Variants in SIL1 observed in about 807,000 individuals in gnomAD.
SIL1 encodes the protein SIL1 nucleotide exchange factor.
SIL1 carries 40 observed loss-of-function variants against 49.1 expected under a neutral mutation model. The ratio of observed to expected loss-of-function variants is 0.81; its 90% CI spans 0.63 to 1.06. SIL1 has a LOEUF of 1.06. SIL1 is among the 50% of genes least tolerant of loss of function. The pLI is 0.00. For synonymous variants in SIL1, 253 were observed against 250.8 expected (o/e 1.01, Z -0.08); for missense variants, 500 against 572.6 (o/e 0.87, Z 1.29).
intron 7 of SIL1, among the ~76,000 whole-genome samples, chr5:139,010,367 A>G (rs983449165): frequency 6.7e-6 from 1 of 148,966 alleles, no homozygotes; most frequent in African/African-American, 2.5e-5. Flanking sequence ...CATTCTTCTA[A>G]TTTTTTTTCA....
intron 7 of SIL1, among the ~76,000 whole-genome samples, chr5:138,963,807 T>C (rs1767077616): frequency 6.6e-6 from 1 of 152,238 alleles, no homozygotes; most frequent in Non-Finnish European, 1.5e-5. Flanking sequence ...CGGATCAACA[T>C]GGCCTCCTCA....
chr5:138,991,817 C>G (rs542631941), intron 7 of SIL1, among the ~76,000 whole-genome samples: 1 of 152,212 alleles, frequency 6.6e-6, no homozygotes, highest in African/African-American at 2.4e-5. Flanking sequence ...GAGAAGGTTC[C>G]CCATCTATGT....
Position 138,976,441 on chromosome 5 carries a change from T to C in SIL1, c.768-24557A>G, listed in dbSNP as rs183495930. 2.6e-4 allele frequency among the ~76,000 whole-genome samples: 39 copies of C among 151,846 alleles called. No homozygotes were observed. In the East Asian group the frequency reaches 7.6e-3, roughly 29 times the overall value. ...GATTCTCCTGCTTCAGCCTCCCAAGTAGCTGGGATTACAGGCACGCGCCAC... is the reference window on the plus strand; with the variant it reads ...GATTCTCCTGCTTCAGCCTCCCAAGCAGCTGGGATTACAGGCACGCGCCAC... On this transcript the variant is annotated intron_variant, in intron 7 of 9. Transcript: ENST00000394817.
intron 3 of SIL1, among the ~76,000 whole-genome samples, chr5:139,053,806 A>ATT (rs1188151442): frequency 2.6e-5 from 4 of 152,094 alleles, no homozygotes; most frequent in Non-Finnish European, 5.9e-5. Context: ...GGCATCCTCT[A>ATT]TTTTCTCAGA....
At chr5:139,167,081 A>T (rs202154282) in intron 1 of SIL1, among the ~76,000 whole-genome samples, 1 of 152,028 alleles carries the variant, frequency 6.6e-6, no homozygotes, top group Admixed American at 6.6e-5. Flanking sequence ...CAAAGTGCTG[A>T]GATTACAGGC....
rs559915904 is a variant in SIL1, at chr5:139,171,176, G to A, written c.-11+27093C>T. Among the ~76,000 whole-genome samples, 226 of 152,210 alleles carry A rather than the reference G, an allele frequency of 1.5e-3. 1 individual carries two copies. The highest frequency in any genetic ancestry group is 1.9e-3 in the East Asian group (10 of 5,156). On this transcript the variant is annotated intron_variant, in intron 1 of 9. Transcript: ENST00000394817. The stretch of plus-strand genomic sequence containing the variant: ...TGGGATGTGAGGAGCCCCTCTGCCC[G>A]GCCACCACCCCATCTGGGAGGTGTA...
chr5:139,125,050 A>AT (rs1750726476), intron 2 of SIL1, among the ~76,000 whole-genome samples: 1 of 152,234 alleles, frequency 6.6e-6, no homozygotes, highest in South Asian at 2.1e-4. Flanking sequence ...CTACCAGCAC[A>AT]TGCCCTTCCT....
chr5:139,055,605 TCCCTCTCC>T lies in SIL1; in HGVS notation c.245-4567_245-4560del, dbSNP rs1414907653. 6.9e-4 allele frequency among the ~76,000 whole-genome samples: 66 copies of T among 96,264 alleles called. 3 individuals carry two copies. Among genetic ancestry groups the T allele is most frequent in the African/African-American group, 3.5e-3 (66 of 18,610 alleles). The allele number at this position is 96,264 out of a possible 152,430, so 63.2% of individuals were successfully genotyped here. ...ACATCACTGACTCTCCCTCTCCCTC[TCCCTCTCC>T]CTCTCCCCCTCTCCCCCTCTCCCCC... is the stretch of plus-strand genomic sequence containing the variant. On this transcript the variant is annotated intron_variant, in intron 3 of 9. Coordinates refer to ENST00000394817, the MANE Select transcript of SIL1 (RefSeq NM_022464.5).
At chr5:139,129,705 CCTTAT>C (rs1447244602) in intron 1 of SIL1, among the ~76,000 whole-genome samples, 3 of 152,232 alleles carry the variant, frequency 2.0e-5, no homozygotes, top group African/African-American at 4.8e-5. Context: ...TGGACCCTTA[CCTTAT>C]ATCATTTATA....
rs2150435130 is a variant in SIL1, at chr5:139,029,114, T to C, written c.454-2122A>G. On this transcript the variant is annotated intron_variant, in intron 5 of 9. Coordinates refer to ENST00000394817, the MANE Select transcript of SIL1 (RefSeq NM_022464.5). Reference sequence around the variant, plus strand: ...AATATAGTGAGACTCTCTGTATTTATATTTTTTAAATTCTATTTTTTTAAA... The same window carrying C: ...AATATAGTGAGACTCTCTGTATTTACATTTTTTAAATTCTATTTTTTTAAA... Among the ~76,000 whole-genome samples, 3 of 152,368 alleles carry C rather than the reference T, an allele frequency of 2.0e-5. No homozygotes were observed. In the Middle Eastern group the frequency reaches 0.01, roughly 518 times the overall value.
intron 7 of SIL1, among the ~76,000 whole-genome samples, chr5:138,955,745 T>C (rs1766888303): frequency 6.6e-6 from 1 of 152,186 alleles, no homozygotes; most frequent in African/African-American, 2.4e-5. Context: ...TTATCAGAAA[T>C]TTCAAGACAG....
intron 7 of SIL1, among the ~76,000 whole-genome samples, chr5:139,015,936 G>T (rs867198669): frequency 6.6e-6 from 1 of 152,092 alleles, no homozygotes; most frequent in African/African-American, 2.4e-5. Flanking sequence ...GATGAAAAAG[G>T]GGGAGGCCAG....
intron 8 of SIL1, among the ~76,000 whole-genome samples, chr5:138,951,563 C>G (rs1265699633): frequency 6.6e-6 from 1 of 152,252 alleles, no homozygotes; most frequent in African/African-American, 2.4e-5. Flanking sequence ...GGGTGGGAGG[C>G]CAGGAGTAGG....
At chr5:139,059,272 T>C (rs948388497) in intron 3 of SIL1, among the ~76,000 whole-genome samples, 22 of 152,166 alleles carry the variant, frequency 1.4e-4, no homozygotes, top group Admixed American at 6.6e-5. Flanking sequence ...CCTCAGGAGA[T>C]CTGATGGTTT....
At chr5:139,096,826 G>A (rs1276706160) in intron 3 of SIL1, among the ~76,000 whole-genome samples, 1 of 151,862 alleles carries the variant, frequency 6.6e-6, no homozygotes, top group Non-Finnish European at 1.5e-5. Flanking sequence ...CATGCTGAGG[G>A]CCTTGGGTAA....
Position 138,951,171 on chromosome 5 carries a change from C to T in SIL1, c.1029G>A (p.Lys343=), listed in dbSNP as rs747089010. 2.5e-6 allele frequency: 4 copies of T among 1,611,068 alleles called. No individual in the cohort carries two copies. The highest frequency in any genetic ancestry group is 3.4e-6 in the Non-Finnish European group (4 of 1,178,690). The change falls in exon 9 of 10, where the codon AAG becomes AAA. Residue 343 remains lysine (K), a splice_region_variant and synonymous_variant. Transcript: ENST00000394817. ...VTLLYDLVTE[K]MFAEEEAELT... Reference sequence around the variant, plus strand: ...AGACTGGGTGGGCCTGGGCACTCACCTTCTCCGTGACCAGGTCGTAGAGCA... The same window carrying T: ...AGACTGGGTGGGCCTGGGCACTCACTTTCTCCGTGACCAGGTCGTAGAGCA...
chr5:139,171,215 T>G (rs2151815393), intron 1 of SIL1, among the ~76,000 whole-genome samples: 1 of 152,226 alleles, frequency 6.6e-6, no homozygotes, highest in South Asian at 2.1e-4. Flanking sequence ...AACAGCTCAT[T>G]GAGAACGGGC....
At chr5:138,976,306 C>G (rs1383512125) in intron 7 of SIL1, among the ~76,000 whole-genome samples, 1 of 150,296 alleles carries the variant, frequency 6.7e-6, no homozygotes, top group East Asian at 1.9e-4. Flanking sequence ...CTTATATTAC[C>G]TCTCTTTTTT....
At chr5:139,163,169 A>G (rs909072706) in intron 1 of SIL1, among the ~76,000 whole-genome samples, 1 of 151,996 alleles carries the variant, frequency 6.6e-6, no homozygotes, top group East Asian at 1.9e-4. Flanking sequence ...TAACCAGGCT[A>G]AGGAGTTTGG....
Sources: gnomAD v4.1 joint callset for allele counts (sites outside exome capture counted in the v4.1 genomes callset) on GRCh38, gnomAD v4.1.1 for gene constraint, MANE v1.5 for transcripts, NCBI Gene and HGNC (gene_info 2026-07-23, HGNC 2026-07-21) for gene names.